Variants in PTH1R observed in about 807,000 individuals in gnomAD.
The protein encoded by PTH1R is parathyroid hormone/parathyroid hormone-related peptide receptor.
Under a neutral mutation model 70.7 loss-of-function variants are expected in PTH1R, and 32 were observed. That is an observed-to-expected ratio of 0.45 (90% CI 0.34 to 0.61). The LOEUF (loss-of-function observed/expected upper bound fraction) is 0.61. PTH1R is among the 20% of genes least tolerant of loss of function. PTH1R has a pLI of 0.01. For missense variants in PTH1R, 626 were observed against 792.5 expected (o/e 0.79, Z 2.52); for synonymous variants, 329 against 324.8 (o/e 1.01, Z -0.14).
chr3:46,878,601 C>T (rs1473384), intron 1 of PTH1R, among the ~76,000 whole-genome samples: 6,584 of 152,280 alleles, frequency 0.043, 499 homozygotes, highest in African/African-American at 0.15. Context: ...CCCAGAGAAC[C>T]CCTGGTCTGG....
Position 46,903,633 on chromosome 3 carries a change from G to T in PTH1R, c.1759G>T (p.Glu587Ter), listed in dbSNP as rs568209780. ...TGAGCGGCCACCTGCCCTGCTACAG[G>T]AAGAGTGGGAGACAGTCATGTGACC... ...GPERPPALLQ[E>*]EWETVM The change falls in exon 16 of 16, where the codon GAA (glutamate) becomes TAA (stop). Residue 587 changes from glutamate (E) to a stop codon, truncating the protein, a stop_gained. Coordinates refer to ENST00000449590, the MANE Select transcript of PTH1R (RefSeq NM_000316.3). LOFTEE classifies it high-confidence loss of function. This position sits in a 1 kb window ranked among gnomAD's most constrained non-coding sequence, Gnocchi z 4.4. 6.2e-7 allele frequency: 1 copy of T among 1,611,248 alleles called. No homozygotes were observed. Among genetic ancestry groups the T allele is most frequent in the Admixed American group, 1.7e-5 (1 of 60,032 alleles).
chr3:46,895,014 T>C lies in PTH1R; in HGVS notation c.179-721T>C, dbSNP rs1216385204. On this transcript the variant is annotated intron_variant, in intron 4 of 15. Transcript: ENST00000449590. ...AGGAATTTGAGGCTGCAGTAATTTG[T>C]GATCATGTCACTGCACTCCAGGCTG... 4.8e-5 allele frequency among the ~76,000 whole-genome samples: 7 copies of C among 146,548 alleles called. No individual in the cohort carries two copies. In the East Asian group the frequency reaches 1.0e-3, roughly 21 times the overall value.
chr3:46,892,600 C>A lies in PTH1R; in HGVS notation c.76-1307C>A. 1 of 321,454 alleles carries A rather than the reference C, an allele frequency of 3.1e-6. No homozygotes were observed. Among genetic ancestry groups the A allele is most frequent in the Non-Finnish European group, 4.5e-6 (1 of 220,778 alleles). The allele number at this position is 321,454 out of a possible 1,614,324, so 19.9% of individuals were successfully genotyped here. ...CGCTGCTGCCGCCAAGAGACGCGGT[C>A]AATTAACTTCTCCCTGCAGCCAGGC... On this transcript the variant is annotated intron_variant, in intron 3 of 15. Transcript: ENST00000449590. This position sits in a 1 kb window ranked among gnomAD's most constrained non-coding sequence, Gnocchi z 5.2.
rs2032149647 is a variant in PTH1R at position 46,901,867 on chromosome 3, C to G, written c.1211+7C>G. The stretch of plus-strand genomic sequence containing the variant: ...ACACACGGCAGCAGTACCGGTGAGC[C>G]CACCATGCCTGCCATGCCCTGGCTC... On this transcript the variant is annotated splice_region_variant and intron_variant, in intron 13 of 15. Transcript: ENST00000449590. The surrounding 1 kb of genome is among the most constrained non-coding windows in gnomAD (Gnocchi z 7.3). 2 of 1,612,006 alleles carry G rather than the reference C, an allele frequency of 1.2e-6. No homozygotes were observed. The highest frequency in any genetic ancestry group is 8.5e-7 in the Non-Finnish European group (1 of 1,178,358).
At chr3:46,887,476 A>AG (rs1357367266) in intron 3 of PTH1R, among the ~76,000 whole-genome samples, 2 of 150,634 alleles carry the variant, frequency 1.3e-5, no homozygotes, top group African/African-American at 2.4e-5. Context: ...AAAAAAAAAA[A>AG]AGAGAGAGAG....
Position 46,892,518 on chromosome 3 carries a change from C to G in PTH1R, c.76-1389C>G, listed in dbSNP as rs2107002550. ...GCGCACGCGGCTCCGCTAAGTGGAA[C>G]CAGCAGAACCCAAGGCCGGCCGAGC... On this transcript the variant is annotated intron_variant, in intron 3 of 15. Transcript: ENST00000449590. This position sits in a 1 kb window ranked among gnomAD's most constrained non-coding sequence, Gnocchi z 5.2. 6.6e-6 allele frequency among the ~76,000 whole-genome samples: 1 copy of G among 152,360 alleles called. No homozygotes were observed. Among genetic ancestry groups the G allele is most frequent in the South Asian group, 2.1e-4 (1 of 4,830 alleles).
chr3:46,892,612 C>T lies in PTH1R; in HGVS notation c.76-1295C>T. 1 of 402,854 alleles carries T rather than the reference C, an allele frequency of 2.5e-6. No homozygotes were observed. Among genetic ancestry groups the T allele is most frequent in the South Asian group, 1.0e-4 (1 of 9,806 alleles). The allele number at this position is 402,854 out of a possible 1,614,324, so 25.0% of individuals were successfully genotyped here. On this transcript the variant is annotated intron_variant, in intron 3 of 15. Transcript: ENST00000449590. The surrounding 1 kb of genome is among the most constrained non-coding windows in gnomAD (Gnocchi z 5.2). The stretch of plus-strand genomic sequence containing the variant: ...CAAGAGACGCGGTCAATTAACTTCT[C>T]CCTGCAGCCAGGCTCTCTGACCCGG...
At chr3:46,881,416 A>C (rs1409746461) in intron 2 of PTH1R, among the ~76,000 whole-genome samples, 1 of 151,838 alleles carries the variant, frequency 6.6e-6, no homozygotes, top group Non-Finnish European at 1.5e-5. Flanking sequence ...GCCCGGTCCG[A>C]GCCGGCCGAT....
At position 46,901,034 on chromosome 3, in the gene PTH1R, C is replaced by T. The variant is rs1215141283; in HGVS notation, c.998C>T (p.Ala333Val). 6.3e-7 allele frequency: 1 copy of T among 1,583,508 alleles called. No individual in the cohort carries two copies. The highest frequency in any genetic ancestry group is 8.6e-7 in the Non-Finnish European group (1 of 1,163,416). ...CCCTCTGTGCCCACAGGTCTGCCCGCTGTCTTCGTGGCTGTGTGGGTCAGT... is the reference window on the plus strand; with the variant it reads ...CCCTCTGTGCCCACAGGTCTGCCCGTTGTCTTCGTGGCTGTGTGGGTCAGT... Reference protein sequence around the residue: ...GFTVFGWGLPAVFVAVWVSVR... With the variant: ...GFTVFGWGLPVVFVAVWVSVR... Residue 333 changes from alanine to valine, a missense_variant, in exon 11 of 16, where the codon GCT (alanine) becomes GTT (valine). This residue lies in a region of PTH1R where 495 missense variants were observed against 638.7 expected (regional missense o/e 0.77). Transcript: ENST00000449590. This position sits in a 1 kb window ranked among gnomAD's most constrained non-coding sequence, Gnocchi z 7.3.
chr3:46,887,460 A>G (rs1403858142), intron 3 of PTH1R, among the ~76,000 whole-genome samples: 41 of 150,580 alleles, frequency 2.7e-4, no homozygotes, highest in Admixed American at 1.6e-3. Flanking sequence ...GTCTCTGAAA[A>G]AAAAAAAAAA....
At position 46,901,743 on chromosome 3, in the gene PTH1R, A is replaced by T. The variant is rs2032135616; in HGVS notation, c.1117-23A>T. The stretch of plus-strand genomic sequence containing the variant: ...CGCCCCACTAGGGTGCAGCCTCCAG[A>T]CGCAGCCCCCTCACTCCCACAGCTC... On this transcript the variant is annotated intron_variant, in intron 12 of 15. Transcript: ENST00000449590. This position sits in a 1 kb window ranked among gnomAD's most constrained non-coding sequence, Gnocchi z 7.3. 6.2e-7 allele frequency: 1 copy of T among 1,606,720 alleles called. No homozygotes were observed. The highest frequency in any genetic ancestry group is 8.5e-7 in the Non-Finnish European group (1 of 1,173,286).
intron 2 of PTH1R, among the ~76,000 whole-genome samples, 200 bp downstream of exon 2, chr3:46,881,318 C>T (rs1377386125): frequency 6.6e-6 from 1 of 152,214 alleles, no homozygotes; most frequent in Non-Finnish European, 1.5e-5. Flanking sequence ...AGCGTGCCCT[C>T]CCCAGCCAAA....
chr3:46,898,624 C>G, intron 8 of PTH1R, 38 bp from the exon 9 acceptor site: 1 of 1,609,152 alleles, frequency 6.2e-7, no homozygotes, highest in Non-Finnish European at 8.5e-7. Flanking sequence ...CCGCGCGTCC[C>G]CGTGCCCCCA....
Position 46,891,287 on chromosome 3 carries a change from G to A in PTH1R, c.76-2620G>A, listed in dbSNP as rs1037137587. ...GGCCATGGAGAAGGTGAAGCCAACA[G>A]CTGGAGGTAGAGGCTGAGCCAATTC... On this transcript the variant is annotated intron_variant, in intron 3 of 15. Transcript: ENST00000449590. This position sits in a 1 kb window ranked among gnomAD's most constrained non-coding sequence, Gnocchi z 4.3. Among the ~76,000 whole-genome samples the A allele has an allele frequency of 2.0e-5, 3 of 152,232 alleles. No individual in the cohort carries two copies. Among genetic ancestry groups the A allele is most frequent in the African/African-American group, 7.2e-5 (3 of 41,470 alleles).
Position 46,895,748 on chromosome 3 carries a change from A to G in PTH1R, c.192A>G (p.Glu64=). 6.2e-7 allele frequency: 1 copy of G among 1,614,132 alleles called. No homozygotes were observed. The change falls in exon 5 of 16, where the codon GAA becomes GAG. Residue 64 remains glutamate, a synonymous_variant. Transcript: ENST00000449590. ...EVLQRPASIM[E]SDKGWTSAST... ...TGGTTTCTCCAGCCAGCATAATGGA[A>G]TCAGACAAGGGATGGACATCTGCGT...
chr3:46,886,063 C>A (rs1460501653), intron 3 of PTH1R, among the ~76,000 whole-genome samples: 1 of 152,130 alleles, frequency 6.6e-6, no homozygotes, highest in African/African-American at 2.4e-5. Context: ...TACCTGGGAG[C>A]CTGGAGTCTG....
At chr3:46,898,235 C>G in intron 7 of PTH1R, 43 bp downstream of exon 7, 2 of 1,603,854 alleles carry the variant, frequency 1.2e-6, no homozygotes, top group African/African-American at 2.7e-5. Context: ...GATAAATTCA[C>G]TCCCACCCCA....
Position 46,883,534 on chromosome 3 carries a change from G to C in PTH1R, c.-26G>C. On this transcript the variant is annotated 5_prime_UTR_variant, in exon 3 of 16. Transcript: ENST00000449590. This position sits in a 1 kb window ranked among gnomAD's most constrained non-coding sequence, Gnocchi z 6.4. ...CAGGGCCGGCGGCGGCGGCTGCCCC[G>C]AGGGACGCGGCCCTAGGCGGTGGCG... 1 of 1,503,840 alleles carries C rather than the reference G, an allele frequency of 6.6e-7. No homozygotes were observed. Among genetic ancestry groups the C allele is most frequent in the Non-Finnish European group, 8.8e-7 (1 of 1,132,076 alleles). 93.2% of individuals were successfully genotyped at this position (1,503,840 alleles called of 1,614,324 possible). A position where few individuals can be genotyped will look rare whatever the true frequency, so the allele number is the denominator to read the frequency against.
At chr3:46,885,083 G>A (rs900686055) in intron 3 of PTH1R, among the ~76,000 whole-genome samples, 5 of 152,166 alleles carry the variant, frequency 3.3e-5, no homozygotes, top group South Asian at 4.2e-4. Flanking sequence ...CCCCACCCCC[G>A]GAGTTTGGTG....
Sources: allele counts gnomAD v4.1 joint callset (sites outside exome capture counted in the v4.1 genomes callset), GRCh38; gene constraint gnomAD v4.1.1; regional missense constraint gnomAD v4.1.1; non-coding constraint Gnocchi (gnomAD v3.1); transcripts MANE v1.5; gene names NCBI Gene and HGNC (gene_info 2026-07-23, HGNC 2026-07-21).